Variants in PEAK1 observed in about 807,000 individuals in gnomAD.
PEAK1 encodes the protein inactive tyrosine-protein kinase PEAK1.
Under a neutral mutation model 124.7 loss-of-function variants are expected in PEAK1, and 54 were observed. The ratio of observed to expected loss-of-function variants is 0.43; its 90% confidence interval spans 0.35 to 0.54. The LOEUF is 0.54. PEAK1 is among the 20% of genes least tolerant of loss of function. The probability of loss-of-function intolerance (pLI) is 0.01; values close to 1 mark genes in which losing one functional copy is unlikely to be tolerated. For missense variants in PEAK1, 2,046 were observed against 2,134.5 expected, an observed-to-expected ratio of 0.96 and a Z score of 0.82; for synonymous variants, 719 against 760.0, an observed-to-expected ratio of 0.95 and a Z score of 0.89.
At chr15:77,354,909 G>A (rs1458137388) in intron 2 of PEAK1, among the ~76,000 whole-genome samples, 1 of 151,868 alleles carries the variant, frequency 6.6e-6, no homozygotes, top group East Asian at 1.9e-4. Context: ...TGTGGTGGTG[G>A]GCACCTGTAG....
At chr15:77,217,720 G>C (rs772458206) in intron 6 of PEAK1, among the ~76,000 whole-genome samples, 17 of 152,074 alleles carry the variant, frequency 1.1e-4, no homozygotes, top group Non-Finnish European at 2.5e-4. Flanking sequence ...GGTTCTTTAG[G>C]GATAGACTAA....
At chr15:77,189,807 A>G (rs1165053109) in intron 6 of PEAK1, among the ~76,000 whole-genome samples, 1 of 152,130 alleles carries the variant, frequency 6.6e-6, no homozygotes, top group Non-Finnish European at 1.5e-5. Flanking sequence ...CCTCTTCTCC[A>G]TTGCCCTCAA....
intron 2 of PEAK1, chr15:77,346,684 G>A (rs991155848): frequency 1.0e-6 from 1 of 983,750 alleles, no homozygotes; most frequent in African/African-American, 1.7e-5. Flanking sequence ...AACATTAATT[G>A]TATCTTCCTG....
Position 77,282,525 on chromosome 15 carries a change from A to C in PEAK1, c.-275+1358T>G, listed in dbSNP as rs1274939584. Among the ~76,000 whole-genome samples, 55 of 150,710 alleles carry C rather than the reference A, an allele frequency of 3.6e-4. 1 individual carries two copies. The highest frequency in any genetic ancestry group is 2.9e-5 in the Non-Finnish European group (2 of 68,028). Reference sequence around the variant, plus strand: ...TCCACGTGTACAAAGGGAATGCTTTAATAAGAATGGGACACCAGCCTGGAA... The same window carrying C: ...TCCACGTGTACAAAGGGAATGCTTTCATAAGAATGGGACACCAGCCTGGAA... On this transcript the variant is annotated intron_variant, in intron 5 of 9. Coordinates refer to ENST00000682557, the MANE Select transcript of PEAK1 (RefSeq NM_001385026.1).
chr15:77,343,996 C>T (rs1447024299), intron 2 of PEAK1, among the ~76,000 whole-genome samples: 1 of 152,164 alleles, frequency 6.6e-6, no homozygotes, highest in Non-Finnish European at 1.5e-5. Flanking sequence ...TTTACCAGCA[C>T]GATTCGTTGA....
At chr15:77,310,602 T>C (rs2064376814) in intron 2 of PEAK1, among the ~76,000 whole-genome samples, 1 of 152,210 alleles carries the variant, frequency 6.6e-6, no homozygotes, top group Non-Finnish European at 1.5e-5. Context: ...AGTGAAGGTT[T>C]CTAGAAGGGC....
At chr15:77,413,120 G>C (rs1411588419) in intron 1 of PEAK1, among the ~76,000 whole-genome samples, 1 of 152,218 alleles carries the variant, frequency 6.6e-6, no homozygotes, top group African/African-American at 2.4e-5. Flanking sequence ...AGCAATAATT[G>C]CTGCAGGCAA....
At chr15:77,348,960 G>A in intron 2 of PEAK1, 1 of 947,310 alleles carries the variant, frequency 1.1e-6, no homozygotes, top group Non-Finnish European at 1.3e-6. Context: ...TTAAAATAGA[G>A]ATTTAAAGCC....
intron 5 of PEAK1, among the ~76,000 whole-genome samples, chr15:77,253,926 C>T (rs2061003229): frequency 6.6e-6 from 1 of 152,192 alleles, no homozygotes; most frequent in South Asian, 2.1e-4. Flanking sequence ...TGAAGCGATT[C>T]TCCTGCCTCA....
At chr15:77,170,589 T>C (rs2056439322) in intron 7 of PEAK1, among the ~76,000 whole-genome samples, 1 of 152,190 alleles carries the variant, frequency 6.6e-6, no homozygotes, top group Non-Finnish European at 1.5e-5. Flanking sequence ...GGGGGCAAGA[T>C]ATTAAGCAAG....
At chr15:77,205,872 T>A (rs1038479635) in intron 6 of PEAK1, among the ~76,000 whole-genome samples, 144 of 150,898 alleles carry the variant, frequency 9.5e-4, no homozygotes, top group Middle Eastern at 3.4e-3. Flanking sequence ...CATGTGCACA[T>A]TGTGCAGGTT....
At chr15:77,250,255 A>ATT (rs1425667051) in intron 6 of PEAK1, among the ~76,000 whole-genome samples, 6 of 47,396 alleles carry the variant, frequency 1.3e-4, no homozygotes, top group African/African-American at 2.9e-4. Context: ...ATATATATAT[A>ATT]TATTTTTTTT....
At chr15:77,226,053 ATATATATATATATATATATATATAT>A (rs1430562237) in intron 6 of PEAK1, among the ~76,000 whole-genome samples, 1 of 84,926 alleles carries the variant, frequency 1.2e-5, no homozygotes, top group African/African-American at 4.5e-5. Flanking sequence ...GGATATATAT[ATATATATATATATATATATATATAT>A]ATATATATAT....
chr15:77,179,331 G>C lies in PEAK1; in HGVS notation c.2596C>G (p.Pro866Ala). 6.2e-7 allele frequency: 1 copy of C among 1,614,064 alleles called. No individual in the cohort carries two copies. Among genetic ancestry groups the C allele is most frequent in the Non-Finnish European group, 8.5e-7 (1 of 1,180,006 alleles). The stretch of plus-strand genomic sequence containing the variant: ...CGTGGCGGGGGAAAGGGAGCTGGTG[G>C]CTCACTTTGGGGGCTAGTCACTAAT... Reference protein sequence around the residue: ...SKLVTSPQSEPPAPFPPPRST... With the variant: ...SKLVTSPQSEAPAPFPPPRST... Residue 866 changes from proline (P) to alanine (A), a missense_variant, in exon 7 of 10, where the codon CCA (proline) becomes GCA (alanine). By Grantham distance (27) the Pro-to-Ala change is conservative. Transcript: ENST00000682557.
intron 6 of PEAK1, among the ~76,000 whole-genome samples, chr15:77,204,096 G>A (rs1035800757): frequency 1.3e-5 from 2 of 151,606 alleles, no homozygotes; most frequent in Non-Finnish European, 3.0e-5. Context: ...TTTAAAAAGT[G>A]TGCAAAAGAC....
intron 2 of PEAK1, among the ~76,000 whole-genome samples, chr15:77,291,610 A>G (rs2063215562): frequency 1.3e-5 from 2 of 152,182 alleles, no homozygotes; most frequent in Admixed American, 1.3e-4. Context: ...TTCTGACTTA[A>G]GGAATATGGA....
At chr15:77,340,319 T>C (rs952656100) in intron 2 of PEAK1, among the ~76,000 whole-genome samples, 2 of 152,168 alleles carry the variant, frequency 1.3e-5, no homozygotes, top group Admixed American at 1.3e-4. Flanking sequence ...CCATAGAACA[T>C]ACAGGAAGCT....
At chr15:77,150,819 G>C (rs375129309) in intron 8 of PEAK1, among the ~76,000 whole-genome samples, 1 of 151,904 alleles carries the variant, frequency 6.6e-6, no homozygotes, top group Non-Finnish European at 1.5e-5. Context: ...AATTTCATCC[G>C]TGTCCCTACA....
intron 2 of PEAK1, 66 bp from the exon 3 acceptor site, chr15:77,286,570 G>T: frequency 1.3e-6 from 1 of 750,832 alleles, no homozygotes; most frequent in Non-Finnish European, 1.8e-6. Context: ...CTTTAAAACT[G>T]AGCATTCTTT....
Sources: gnomAD v4.1 joint callset for allele counts (sites outside exome capture counted in the v4.1 genomes callset) on GRCh38, gnomAD v4.1.1 for gene constraint, MANE v1.5 for transcripts, NCBI Gene and HGNC (gene_info 2026-07-23, HGNC 2026-07-21) for gene names.